GRID1: variants seen among roughly 807,000 people sequenced by gnomAD.
The protein encoded by GRID1 is glutamate receptor ionotropic, delta-1.
A neutral mutation model predicts 98.0 loss-of-function variants in GRID1; 28 were observed. That is an observed-to-expected ratio of 0.29 (90% CI 0.21 to 0.39). GRID1 has a LOEUF of 0.39. Ranked by LOEUF, GRID1 falls within the 10% of genes least tolerant of loss-of-function variation. The pLI, the probability that GRID1 is intolerant of heterozygous loss-of-function variation, is 1.00. For synonymous variants in GRID1, 553 were observed against 538.5 expected (o/e 1.03, Z -0.37); for missense variants, 1,111 against 1,340.5 (o/e 0.83, Z 2.67).
intron 12 of GRID1, among the ~76,000 whole-genome samples, chr10:85,687,426 A>G (rs771705897): frequency 8.5e-5 from 13 of 152,146 alleles, no homozygotes; most frequent in Non-Finnish European, 1.6e-4. Context: ...GTTATTTTTT[A>G]AAATTTGAAT....
At chr10:86,035,437 C>G (rs1336772045) in intron 4 of GRID1, among the ~76,000 whole-genome samples, 2 of 152,170 alleles carry the variant, frequency 1.3e-5, no homozygotes, top group African/African-American at 4.8e-5. Flanking sequence ...GCCCTCTTGA[C>G]TATGAAAGCA....
In GRID1 at chr10:86,274,653, A is replaced by T. The variant is rs570239535; in HGVS notation, c.236-68005T>A. Reference sequence around the variant, plus strand: ...TCCCTTGTAAGTTAGATTCCTAGGTATTTTATTCTCTTTGAAGCAATTGTG... The same window carrying T: ...TCCCTTGTAAGTTAGATTCCTAGGTTTTTTATTCTCTTTGAAGCAATTGTG... On this transcript the variant is annotated intron_variant, in intron 2 of 15. Transcript: ENST00000327946. Among the ~76,000 whole-genome samples the T allele has an allele frequency of 2.0e-5, 3 of 151,948 alleles. No homozygotes were observed. In the East Asian group the frequency reaches 5.8e-4, roughly 29 times the overall value.
chr10:86,056,202 C>T (rs1043269435), intron 4 of GRID1, among the ~76,000 whole-genome samples: 3 of 152,176 alleles, frequency 2.0e-5, no homozygotes, highest in African/African-American at 7.2e-5. Context: ...ATGTTCTAGG[C>T]ACATGGAATT....
intron 3 of GRID1, among the ~76,000 whole-genome samples, chr10:86,193,849 C>T (rs1051723343): frequency 1.3e-5 from 2 of 152,052 alleles, no homozygotes; most frequent in African/African-American, 4.8e-5. Context: ...CCCTCCCTCC[C>T]TTCCACTGCT....
intron 8 of GRID1, among the ~76,000 whole-genome samples, chr10:85,831,713 C>A (rs764511018): frequency 1.7e-4 from 26 of 151,880 alleles, no homozygotes; most frequent in African/African-American, 5.6e-4. Flanking sequence ...CTCTAATAAA[C>A]CCTGGGTCAA....
intron 4 of GRID1, among the ~76,000 whole-genome samples, chr10:86,021,473 A>C (rs1487711419): frequency 1.3e-5 from 2 of 152,122 alleles, no homozygotes; most frequent in Non-Finnish European, 2.9e-5. Flanking sequence ...TTGTTTCATT[A>C]ATTGTTTTTC....
At chr10:85,901,337 C>T (rs921808139) in intron 5 of GRID1, among the ~76,000 whole-genome samples, 1 of 152,060 alleles carries the variant, frequency 6.6e-6, no homozygotes, top group Non-Finnish European at 1.5e-5. Context: ...AGCTCTGCCT[C>T]ATGGGTTCAC....
intron 8 of GRID1, among the ~76,000 whole-genome samples, chr10:85,814,016 C>CA (rs1350620428): frequency 6.6e-6 from 1 of 151,078 alleles, no homozygotes; most frequent in Non-Finnish European, 1.5e-5. Flanking sequence ...TTAAATAATT[C>CA]AAAAAAGGCA....
At chr10:85,954,536 T>C (rs1842165292) in intron 4 of GRID1, among the ~76,000 whole-genome samples, 1 of 152,194 alleles carries the variant, frequency 6.6e-6, no homozygotes, top group African/African-American at 2.4e-5. Flanking sequence ...TTCTTTATTA[T>C]AAAAGGAATC....
intron 4 of GRID1, among the ~76,000 whole-genome samples, chr10:85,939,588 T>A (rs960723115): frequency 6.6e-6 from 1 of 152,180 alleles, no homozygotes; most frequent in African/African-American, 2.4e-5. Flanking sequence ...TGGGGAGTCA[T>A]GTCTTCCTCT....
chr10:86,138,704 T>G, intron 4 of GRID1, 115 bp downstream of exon 4: 1 of 763,086 alleles, frequency 1.3e-6, no homozygotes, highest in Non-Finnish European at 2.2e-6. Context: ...CACCTACGGG[T>G]CTCCATGTCC....
At chr10:85,969,018 T>C (rs1223566577) in intron 4 of GRID1, among the ~76,000 whole-genome samples, 1 of 152,176 alleles carries the variant, frequency 6.6e-6, no homozygotes, top group Non-Finnish European at 1.5e-5. Flanking sequence ...ATACAAACAG[T>C]AACCACAAGA....
intron 4 of GRID1, among the ~76,000 whole-genome samples, chr10:86,124,900 TG>T (rs1844730284): frequency 6.6e-6 from 1 of 152,176 alleles, no homozygotes; most frequent in Admixed American, 6.5e-5. Context: ...GGGTGTGATA[TG>T]GGGAACTGGG....
intron 2 of GRID1, among the ~76,000 whole-genome samples, chr10:86,268,846 C>T (rs1227733010): frequency 6.6e-6 from 1 of 152,106 alleles, no homozygotes; most frequent in Non-Finnish European, 1.5e-5. Flanking sequence ...CAAAAATGAG[C>T]TGGGTGTGGT....
At chr10:86,029,503 C>T (rs1843156953) in intron 4 of GRID1, among the ~76,000 whole-genome samples, 1 of 152,154 alleles carries the variant, frequency 6.6e-6, no homozygotes, top group Admixed American at 6.5e-5. Flanking sequence ...TGCAAATAAT[C>T]ACGCCAAGTA....
At chr10:85,721,988 C>T (rs1720190874) in intron 12 of GRID1, among the ~76,000 whole-genome samples, 1 of 152,102 alleles carries the variant, frequency 6.6e-6, no homozygotes, top group African/African-American at 2.4e-5. Context: ...TAAAGGATCC[C>T]AGGAGACCTC....
chr10:85,933,853 C>T (rs1841891222), intron 4 of GRID1, among the ~76,000 whole-genome samples: 1 of 152,172 alleles, frequency 6.6e-6, no homozygotes, highest in Middle Eastern at 3.2e-3. Flanking sequence ...TGCATGAGGG[C>T]TGGAGATTTA....
chr10:86,093,469 C>T (rs2131939803), intron 4 of GRID1, among the ~76,000 whole-genome samples: 1 of 150,674 alleles, frequency 6.6e-6, no homozygotes, highest in Non-Finnish European at 1.5e-5. Flanking sequence ...GCAAGATTAA[C>T]CAAGAAGAGA....
intron 4 of GRID1, among the ~76,000 whole-genome samples, chr10:86,124,262 A>G (rs1167728208): frequency 6.6e-6 from 1 of 152,050 alleles, no homozygotes; most frequent in Non-Finnish European, 1.5e-5. Context: ...CCAAAATCTG[A>G]CAAAGGCCTG....
Sources: gnomAD v4.1 joint callset for allele counts (sites outside exome capture counted in the v4.1 genomes callset) on GRCh38, gnomAD v4.1.1 for gene constraint, MANE v1.5 for transcripts, NCBI Gene and HGNC (gene_info 2026-07-23, HGNC 2026-07-21) for gene names.